Variants in ZFYVE9 observed in about 807,000 individuals in gnomAD.
ZFYVE9 encodes the protein zinc finger FYVE domain-containing protein 9.
ZFYVE9 carries 43 observed loss-of-function variants against 126.7 expected under a neutral mutation model. The ratio of observed to expected loss-of-function variants is 0.34; its 90% confidence interval spans 0.27 to 0.44. ZFYVE9 has a LOEUF of 0.44. Ranked by LOEUF, ZFYVE9 falls within the 20% of genes least tolerant of loss-of-function variation. ZFYVE9 has a pLI of 1.00. For synonymous variants in ZFYVE9, 521 were observed against 597.4 expected (o/e 0.87, Z 1.87); for missense variants, 1,476 against 1,697.0 (o/e 0.87, Z 2.29).
At chr1:52,322,015 G>A (rs1231621788) in intron 13 of ZFYVE9, among the ~76,000 whole-genome samples, 2 of 152,208 alleles carry the variant, frequency 1.3e-5, no homozygotes, top group African/African-American at 4.8e-5. Flanking sequence ...AGACTTGACT[G>A]TCTTATTGCC....
At chr1:52,294,689 A>G (rs1342126095) in intron 11 of ZFYVE9, among the ~76,000 whole-genome samples, 1 of 152,238 alleles carries the variant, frequency 6.6e-6, no homozygotes, top group African/African-American at 2.4e-5. Context: ...ATGAAGGAGT[A>G]GTTGGACCTT....
intron 1 of ZFYVE9, among the ~76,000 whole-genome samples, chr1:52,153,786 C>T (rs1205962564): frequency 3.3e-5 from 5 of 152,150 alleles, no homozygotes; most frequent in African/African-American, 9.7e-5. Flanking sequence ...CTTCTAACTC[C>T]GTAGAGCCCC....
At chr1:52,269,239 C>T (rs917385946) in intron 7 of ZFYVE9, among the ~76,000 whole-genome samples, 2 of 152,082 alleles carry the variant, frequency 1.3e-5, no homozygotes, top group South Asian at 4.1e-4. Flanking sequence ...AAGCAATTCT[C>T]CTGCCTCAGC....
At chr1:52,188,247 T>C (rs1303123140) in intron 1 of ZFYVE9, among the ~76,000 whole-genome samples, 1 of 151,782 alleles carries the variant, frequency 6.6e-6, no homozygotes, top group Non-Finnish European at 1.5e-5. Flanking sequence ...ATACCACGTG[T>C]TCTTACTTAT....
At chr1:52,205,570 G>A (rs958006325) in intron 1 of ZFYVE9, among the ~76,000 whole-genome samples, 2 of 148,596 alleles carry the variant, frequency 1.3e-5, no homozygotes, top group South Asian at 2.1e-4. Flanking sequence ...ACTGGGTCTC[G>A]CTATGTTGCC....
intron 9 of ZFYVE9, among the ~76,000 whole-genome samples, chr1:52,281,140 T>C (rs1042790561): frequency 2.7e-5 from 4 of 149,850 alleles, no homozygotes; most frequent in Admixed American, 1.3e-4. Flanking sequence ...CTTTTCTTTT[T>C]TTTTTTTTTT....
intron 13 of ZFYVE9, among the ~76,000 whole-genome samples, chr1:52,331,789 T>C (rs1646344308): frequency 6.8e-6 from 1 of 146,600 alleles, no homozygotes; most frequent in Admixed American, 6.8e-5. Context: ...TTTTTTTTTA[T>C]TTTTTTTTGA....
intron 2 of ZFYVE9, among the ~76,000 whole-genome samples, chr1:52,226,151 C>G: frequency 6.6e-6 from 1 of 152,240 alleles, no homozygotes; most frequent in African/African-American, 2.4e-5. Context: ...CGAACTTTCT[C>G]CTTGGCAGGT....
intron 1 of ZFYVE9, chr1:52,189,940 C>T (rs1053404382): frequency 6.5e-6 from 1 of 152,762 alleles, no homozygotes; most frequent in Admixed American, 6.5e-5. Flanking sequence ...AAACAGGCAA[C>T]ACCTGGCCTC....
chr1:52,209,719 T>G (rs1645010295), intron 1 of ZFYVE9, among the ~76,000 whole-genome samples: 1 of 152,180 alleles, frequency 6.6e-6, no homozygotes, highest in African/African-American at 2.4e-5. Context: ...AGGGTTTGTG[T>G]TGATCAAGAT....
intron 10 of ZFYVE9, among the ~76,000 whole-genome samples, chr1:52,287,230 A>T (rs1645870662): frequency 6.6e-6 from 1 of 152,020 alleles, no homozygotes; most frequent in African/African-American, 2.4e-5. Flanking sequence ...GCTCCCAAGT[A>T]GCTCCCAAGT....
intron 4 of ZFYVE9, among the ~76,000 whole-genome samples, chr1:52,242,908 T>C (rs1178323110): frequency 2.0e-5 from 3 of 152,224 alleles, no homozygotes; most frequent in South Asian, 2.1e-4. Context: ...CAGGGAAATA[T>C]TTTCCATTAC....
intron 1 of ZFYVE9, among the ~76,000 whole-genome samples, chr1:52,204,991 C>T (rs933047452): frequency 2.0e-5 from 3 of 151,208 alleles, no homozygotes; most frequent in Non-Finnish European, 2.9e-5. Context: ...TTGTGGGTTT[C>T]TGCTTAGGTA....
intron 17 of ZFYVE9, among the ~76,000 whole-genome samples, chr1:52,343,432 C>T (rs549674190): frequency 2.7e-5 from 4 of 149,076 alleles, no homozygotes; most frequent in Non-Finnish European, 5.9e-5. Flanking sequence ...GGCAATAGAG[C>T]GAGACTCCAT....
At chr1:52,222,544 G>C (rs1645133075) in intron 2 of ZFYVE9, among the ~76,000 whole-genome samples, 1 of 152,238 alleles carries the variant, frequency 6.6e-6, no homozygotes, top group Admixed American at 6.5e-5. Context: ...GGGATGACCT[G>C]TCTGGCTTCC....
chr1:52,212,976 C>T (rs1645041219), intron 1 of ZFYVE9, among the ~76,000 whole-genome samples: 2 of 152,142 alleles, frequency 1.3e-5, no homozygotes, highest in South Asian at 2.1e-4. Context: ...GTATTGAAGA[C>T]ATTTGTACTG....
intron 10 of ZFYVE9, among the ~76,000 whole-genome samples, chr1:52,282,513 A>G (rs942672643): frequency 6.6e-6 from 1 of 152,220 alleles, no homozygotes; most frequent in Non-Finnish European, 1.5e-5. Flanking sequence ...AATAGGGTTT[A>G]TCTTTGAGGA....
At chr1:52,277,460 T>A (rs536925423) in intron 8 of ZFYVE9, among the ~76,000 whole-genome samples, 1 of 152,292 alleles carries the variant, frequency 6.6e-6, no homozygotes, top group East Asian at 1.9e-4. Flanking sequence ...TATTACAGTC[T>A]CTTCATCAAA....
chr1:52,172,134 G>A (rs2124526003), intron 1 of ZFYVE9, among the ~76,000 whole-genome samples: 1 of 152,210 alleles, frequency 6.6e-6, no homozygotes, highest in East Asian at 1.9e-4. Context: ...ATGGTTTTAG[G>A]TCTAACGTTT....
Sources: gnomAD v4.1 joint callset for allele counts (sites outside exome capture counted in the v4.1 genomes callset) on GRCh38, gnomAD v4.1.1 for gene constraint, MANE v1.5 for transcripts, NCBI Gene and HGNC (gene_info 2026-07-23, HGNC 2026-07-21) for gene names.